XKR6: variants seen among roughly 807,000 people sequenced by gnomAD.
XKR6 encodes XK-related protein 6.
Under a neutral mutation model 56.7 loss-of-function variants are expected in XKR6, and 22 were observed. That is an observed-to-expected ratio of 0.39 (90% confidence interval 0.28 to 0.55). The LOEUF (loss-of-function observed/expected upper bound fraction) is 0.55. Ranked by LOEUF, XKR6 falls within the 20% of genes least tolerant of loss-of-function variation. The pLI, the probability that XKR6 is intolerant of heterozygous loss-of-function variation, is 0.66. For synonymous variants in XKR6, 524 were observed against 387.8 expected (o/e 1.35, Z -4.13); for missense variants, 852 against 889.0 (o/e 0.96, Z 0.53).
At chr8:10,939,367 A>G (rs1801321399) in intron 1 of XKR6, among the ~76,000 whole-genome samples, 1 of 152,280 alleles carries the variant, frequency 6.6e-6, no homozygotes, top group Non-Finnish European at 1.5e-5. Context: ...CACTCTACTG[A>G]TGACTTCCCA....
intron 1 of XKR6, among the ~76,000 whole-genome samples, chr8:11,007,751 G>C (rs901751609): frequency 6.6e-6 from 1 of 152,206 alleles, no homozygotes; most frequent in Non-Finnish European, 1.5e-5. Context: ...TGGAGGAACA[G>C]AGGCAGCAGG....
rs376353746 is a variant in XKR6 at position 11,054,193 on chromosome 8, G to A, written c.765-129363C>T. ...GAGGTTTGAGAGAATTGCATGCAAGGGGAGCCATATCCCCCTCCCTCTTCT... is the reference window on the plus strand; with the variant it reads ...GAGGTTTGAGAGAATTGCATGCAAGAGGAGCCATATCCCCCTCCCTCTTCT... On this transcript the variant is annotated intron_variant, in intron 1 of 2. Transcript: ENST00000416569. Among the ~76,000 whole-genome samples, 388 of 152,298 alleles carry A rather than the reference G, an allele frequency of 2.5e-3. 6 individuals are homozygous for A. The highest frequency in any genetic ancestry group is 8.9e-3 in the African/African-American group (372 of 41,574).
intron 1 of XKR6, among the ~76,000 whole-genome samples, chr8:11,040,376 A>G (rs953690594): frequency 2.0e-4 from 30 of 151,912 alleles, no homozygotes; most frequent in African/African-American, 6.8e-4. Context: ...AAAAAAAAAA[A>G]AAAAAATTAG....
chr8:11,104,666 AT>A (rs1278310454), intron 1 of XKR6: 1 of 152,244 alleles, frequency 6.6e-6, no homozygotes, highest in African/African-American at 2.4e-5. Flanking sequence ...AGAAATAAAA[AT>A]AATACCAGTT....
chr8:11,068,486 T>G (rs1216088983), intron 1 of XKR6, among the ~76,000 whole-genome samples: 1 of 152,202 alleles, frequency 6.6e-6, no homozygotes, highest in African/African-American at 2.4e-5. Flanking sequence ...CTGTTTTCCC[T>G]GCCATCTACT....
At chr8:11,097,251 T>C (rs1042803447) in intron 1 of XKR6, among the ~76,000 whole-genome samples, 2 of 152,190 alleles carry the variant, frequency 1.3e-5, no homozygotes, top group Admixed American at 6.5e-5. Flanking sequence ...ATTTTCCCCA[T>C]TGGGTTTCCA....
chr8:11,057,920 G>A (rs771219662), intron 1 of XKR6, among the ~76,000 whole-genome samples: 7 of 152,240 alleles, frequency 4.6e-5, no homozygotes, highest in Non-Finnish European at 1.0e-4. Flanking sequence ...AAGGTGTAAT[G>A]AGTGCTTGTT....
chr8:11,022,418 T>C (rs1798768660), intron 1 of XKR6, among the ~76,000 whole-genome samples: 1 of 152,088 alleles, frequency 6.6e-6, no homozygotes, highest in African/African-American at 2.4e-5. Flanking sequence ...TTCAAACATG[T>C]CCAAGCAGTC....
At chr8:11,147,578 C>T (rs909682630) in intron 1 of XKR6, among the ~76,000 whole-genome samples, 124 of 150,716 alleles carry the variant, frequency 8.2e-4, no homozygotes, top group African/African-American at 2.9e-3. Context: ...ATCACTTGAA[C>T]CTGGGAGGCG....
chr8:10,901,349 C>T (rs949374828), intron 2 of XKR6, among the ~76,000 whole-genome samples: 20 of 152,134 alleles, frequency 1.3e-4, no homozygotes, highest in African/African-American at 3.9e-4. Flanking sequence ...AGCCACTGTA[C>T]CCAGCCTAGA....
chr8:11,200,379 G>C lies in XKR6; in HGVS notation c.764+197C>G, dbSNP rs897989001. Among the ~76,000 whole-genome samples the C allele has an allele frequency of 1.3e-5, 2 of 152,184 alleles. No individual in the cohort carries two copies. The highest frequency in any genetic ancestry group is 2.4e-5 in the African/African-American group (1 of 41,448). The stretch of plus-strand genomic sequence containing the variant: ...CGAGGACGGGCCAACGGCAGGTCTC[G>C]GCCTCCCCGGGCCAAAGGCGTGGCC... On this transcript the variant is annotated intron_variant, in intron 1 of 2. Transcript: ENST00000416569. This position sits in a 1 kb window ranked among gnomAD's most constrained non-coding sequence, Gnocchi z 6.4.
At chr8:11,020,560 G>T (rs913046573) in intron 1 of XKR6, among the ~76,000 whole-genome samples, 27 of 152,172 alleles carry the variant, frequency 1.8e-4, no homozygotes, top group Non-Finnish European at 2.9e-4. Flanking sequence ...GTATCGGTGA[G>T]TTGGGGCTTT....
chr8:11,169,284 T>A (rs937859545), intron 1 of XKR6, among the ~76,000 whole-genome samples: 2 of 152,228 alleles, frequency 1.3e-5, no homozygotes, highest in Non-Finnish European at 2.9e-5. Context: ...CTTAATTTTC[T>A]TAGTCATGAG....
At chr8:11,035,412 G>C (rs2129153729) in intron 1 of XKR6, 1 of 505,430 alleles carries the variant, frequency 2.0e-6, no homozygotes. Flanking sequence ...CTCCAGGAAA[G>C]AGAGAAGATT....
At chr8:11,029,752 C>T (rs777807919) in intron 1 of XKR6, among the ~76,000 whole-genome samples, 2 of 152,070 alleles carry the variant, frequency 1.3e-5, no homozygotes, top group Non-Finnish European at 2.9e-5. Flanking sequence ...GCCATTTCCA[C>T]TTGCCCTTTA....
intron 2 of XKR6, among the ~76,000 whole-genome samples, chr8:10,914,713 C>G (rs1254196909): frequency 6.7e-6 from 1 of 150,072 alleles, no homozygotes; most frequent in Non-Finnish European, 1.5e-5. Flanking sequence ...CTCCTTAACC[C>G]AATTCCCCAT....
chr8:11,099,804 G>C (rs996242666), intron 1 of XKR6, among the ~76,000 whole-genome samples: 1 of 152,182 alleles, frequency 6.6e-6, no homozygotes, highest in African/African-American at 2.4e-5. Context: ...GGTCATGATG[G>C]AGGTGATGAG....
At position 10,972,179 on chromosome 8, in the gene XKR6, C is replaced by T. The variant is rs543466956; in HGVS notation, c.765-47349G>A. Among the ~76,000 whole-genome samples, 8 of 152,208 alleles carry T rather than the reference C, an allele frequency of 5.3e-5. No homozygotes were observed. In the East Asian group the frequency reaches 7.7e-4, roughly 15 times the overall value. ...CCCAGCTGGGGCCTCGGGGTGACCTCGTTTTTTATTTGACTCTAGGTTCTA... is the reference window on the plus strand; with the variant it reads ...CCCAGCTGGGGCCTCGGGGTGACCTTGTTTTTTATTTGACTCTAGGTTCTA... On this transcript the variant is annotated intron_variant, in intron 1 of 2. Coordinates refer to ENST00000416569, the MANE Select transcript of XKR6 (RefSeq NM_173683.4).
At chr8:11,026,845 C>T (rs35539607) in intron 1 of XKR6, among the ~76,000 whole-genome samples, 17,210 of 146,532 alleles carry the variant, frequency 0.12, 1,359 homozygotes, top group African/African-American at 0.22. Context: ...ACCTAGATAG[C>T]CTAGCCTACT....
Sources: allele counts gnomAD v4.1 joint callset (sites outside exome capture counted in the v4.1 genomes callset), GRCh38; gene constraint gnomAD v4.1.1; non-coding constraint Gnocchi (gnomAD v3.1); transcripts MANE v1.5; gene names NCBI Gene and HGNC (gene_info 2026-07-23, HGNC 2026-07-21).